ZNF138: variants seen among roughly 807,000 people sequenced by gnomAD.
ZNF138 encodes zinc finger protein 138 (clone pHZ-32).
ZNF138 carries 33 observed loss-of-function variants against 33.0 expected under a neutral mutation model. The observed-to-expected ratio is 1.00, with a 90% CI of 0.76 to 1.34. The LOEUF is 1.34. Among genes scored for constraint, ZNF138 ranks in the 40% most tolerant of loss-of-function variants. The pLI is 0.00. For missense variants in ZNF138, 360 were observed against 370.8 expected, an observed-to-expected ratio of 0.97 and a Z score of 0.24; for synonymous variants, 139 against 120.4, an observed-to-expected ratio of 1.15 and a Z score of -1.01.
chr7:64,794,629 C>G (rs1786540271), intron 1 of ZNF138, 58 bp downstream of exon 1: 2 of 1,611,224 alleles, frequency 1.2e-6, no homozygotes, highest in African/African-American at 1.3e-5. Flanking sequence ...TGGAACCGGT[C>G]GGAAGTGGCT....
At chr7:64,826,011 A>T (rs977988215) in intron 3 of ZNF138, among the ~76,000 whole-genome samples, 106 of 151,220 alleles carry the variant, frequency 7.0e-4, no homozygotes, top group African/African-American at 2.5e-3. Flanking sequence ...TTATTTATGT[A>T]TTTTTTGTAG....
At chr7:64,837,382 C>T (rs987042779), downstream of ZNF138, among the ~76,000 whole-genome samples, 8 of 152,164 alleles carry the variant, frequency 5.3e-5, no homozygotes, top group East Asian at 1.9e-4. Context: ...CTGAGCGGTC[C>T]GGGCTTTGGA....
At chr7:64,846,843 T>C in the ZNF138 span, among the ~76,000 whole-genome samples, 2 of 152,192 alleles carry the variant, frequency 1.3e-5, no homozygotes, top group Admixed American at 6.5e-5. Context: ...GTTCCAGTTC[T>C]CAGAGAAAAA....
intron 1 of ZNF138, among the ~76,000 whole-genome samples, chr7:64,797,008 C>T (rs975689132): frequency 5.9e-5 from 9 of 151,456 alleles, no homozygotes; most frequent in Non-Finnish European, 1.0e-4. Context: ...TGAGATCGTG[C>T]GGCTGCACTC....
At chr7:64,857,718 A>G in the ZNF138 span, among the ~76,000 whole-genome samples, 7 of 150,338 alleles carry the variant, frequency 4.7e-5, no homozygotes, top group African/African-American at 1.7e-4. Context: ...GAGAAGAATT[A>G]AAAAAAAACA....
chr7:64,803,152 G>T (rs541708358), intron 1 of ZNF138, among the ~76,000 whole-genome samples: 1 of 151,554 alleles, frequency 6.6e-6, no homozygotes, highest in Admixed American at 6.6e-5. Flanking sequence ...TTGTTTGAAA[G>T]ATATGTAAAT....
At chr7:64,853,744 C>A in the ZNF138 span, among the ~76,000 whole-genome samples, 14,137 of 151,564 alleles carry the variant, frequency 0.093, 867 homozygotes, top group East Asian at 0.27. Flanking sequence ...TTGTACTGAG[C>A]ATTAACCATA....
chr7:64,836,316 T>C (rs1203187487), downstream of ZNF138: 2 of 152,192 alleles, frequency 1.3e-5, no homozygotes, highest in Non-Finnish European at 2.9e-5. Flanking sequence ...CCCCTGTGGA[T>C]TGGAGCAATT....
intron 3 of ZNF138, among the ~76,000 whole-genome samples, chr7:64,825,008 AC>A (rs1789461117): frequency 6.6e-6 from 1 of 151,674 alleles, no homozygotes; most frequent in Non-Finnish European, 1.5e-5. Context: ...CACCTGGCTA[AC>A]TTTTGTATTT....
At position 64,809,875 on chromosome 7, in the gene ZNF138, A is replaced by G. The variant is rs868789974; in HGVS notation, c.4-5043A>G. 5.7e-4 allele frequency among the ~76,000 whole-genome samples: 54 copies of G among 94,104 alleles called. 2 individuals are homozygous for G. The South Asian group carries it at 0.021, about 37-fold the overall frequency. The allele number at this position is 94,104 out of a possible 152,430, so 61.7% of individuals were successfully genotyped here. ...TCAGACGATAGGCGGCCGGGCAGAG[A>G]CGCTCCTCACTTCCTAGATGTGATG... On this transcript the variant is annotated intron_variant, in intron 1 of 3. Coordinates refer to ENST00000307355, the MANE Select transcript of ZNF138 (RefSeq NM_001271639.2).
chr7:64,841,506 G>C, the ZNF138 span, among the ~76,000 whole-genome samples: 348 of 152,312 alleles, frequency 2.3e-3, no homozygotes, highest in African/African-American at 7.8e-3. Flanking sequence ...GTTCAAGTCG[G>C]AGAGGGAAAA....
At chr7:64,834,999 G>A (rs967340856), downstream of ZNF138, among the ~76,000 whole-genome samples, 15 of 152,194 alleles carry the variant, frequency 9.9e-5, no homozygotes, top group African/African-American at 1.7e-4. Flanking sequence ...GGTCCACAGG[G>A]GGAGGGCCAG....
At chr7:64,794,630 G>A (rs1282263253) in intron 1 of ZNF138, 59 bp downstream of exon 1, 4 of 1,611,026 alleles carry the variant, frequency 2.5e-6, no homozygotes, top group Non-Finnish European at 3.4e-6. Context: ...GGAACCGGTC[G>A]GAAGTGGCTG....
At chr7:64,852,498 T>C in the ZNF138 span, 1 of 1,578,918 alleles carries the variant, frequency 6.3e-7, no homozygotes, top group African/African-American at 1.4e-5. Flanking sequence ...TGGTTGCCCT[T>C]CTCTACAATC....
the ZNF138 span, among the ~76,000 whole-genome samples, chr7:64,845,203 G>A: frequency 3.3e-5 from 5 of 152,172 alleles, no homozygotes; most frequent in African/African-American, 1.2e-4. Context: ...CCATTCCTGA[G>A]TTACTTCACT....
At chr7:64,805,600 G>A (rs1463502037) in intron 1 of ZNF138, among the ~76,000 whole-genome samples, 1 of 152,184 alleles carries the variant, frequency 6.6e-6, no homozygotes, top group South Asian at 2.1e-4. Context: ...GCTGTGGGCT[G>A]TGTCTCAAGG....
At chr7:64,827,272 G>T (rs1240679115) in intron 3 of ZNF138, among the ~76,000 whole-genome samples, 1 of 147,004 alleles carries the variant, frequency 6.8e-6, no homozygotes, top group Non-Finnish European at 1.5e-5. Flanking sequence ...TTTTAAGACA[G>T]AGTCTCACTC....
chr7:64,799,316 G>A (rs1018570361), intron 1 of ZNF138, among the ~76,000 whole-genome samples: 4 of 151,872 alleles, frequency 2.6e-5, no homozygotes, highest in African/African-American at 7.3e-5. Context: ...ACAGACATGC[G>A]CCACCACGCC....
At chr7:64,843,871 C>A in the ZNF138 span, among the ~76,000 whole-genome samples, 1 of 151,794 alleles carries the variant, frequency 6.6e-6, no homozygotes, top group African/African-American at 2.4e-5. Context: ...TGTCACCAGG[C>A]TGGAGTGCAG....
Sources: gnomAD v4.1 joint callset for allele counts (sites outside exome capture counted in the v4.1 genomes callset) on GRCh38, gnomAD v4.1.1 for gene constraint, MANE v1.5 for transcripts, NCBI Gene and HGNC (gene_info 2026-07-23, HGNC 2026-07-21) for gene names.